NDRG1: variants seen among roughly 807,000 people sequenced by gnomAD.
The protein encoded by NDRG1 is N-myc downstream regulated 1.
A neutral mutation model predicts 56.9 loss-of-function variants in NDRG1; 32 were observed. The observed-to-expected ratio is 0.56, with a 90% confidence interval of 0.42 to 0.76. The LOEUF (loss-of-function observed/expected upper bound fraction) is 0.76. NDRG1 is among the 30% of genes least tolerant of loss of function. The pLI is 0.00. For missense variants in NDRG1, 507 were observed against 545.7 expected (o/e 0.93, Z 0.71); for synonymous variants, 211 against 204.1 (o/e 1.03, Z -0.29).
intron 1 of NDRG1, among the ~76,000 whole-genome samples, chr8:133,285,972 C>T (rs1858091900): frequency 6.6e-6 from 1 of 152,178 alleles, no homozygotes; most frequent in Non-Finnish European, 1.5e-5. Flanking sequence ...GCCAACGCCA[C>T]CCCTCATTCT....
chr8:133,292,187 CTG>C (rs1858466915), intron 1 of NDRG1, among the ~76,000 whole-genome samples: 1 of 152,154 alleles, frequency 6.6e-6, no homozygotes, highest in African/African-American at 2.4e-5. Flanking sequence ...GCTGGATGGT[CTG>C]AGATAATTTG....
At chr8:133,259,904 C>T (rs765982937) in intron 5 of NDRG1, among the ~76,000 whole-genome samples, 3 of 152,144 alleles carry the variant, frequency 2.0e-5, no homozygotes, top group Admixed American at 1.3e-4. Flanking sequence ...GAAGAAGTGA[C>T]GCTGAAGGGG....
At chr8:133,258,326 T>C in intron 7 of NDRG1, 40 bp downstream of exon 7, 8 of 1,577,880 alleles carry the variant, frequency 5.1e-6, no homozygotes, top group Non-Finnish European at 6.9e-6. Flanking sequence ...CTTAAAATGT[T>C]ATTTAAAATG....
At position 133,237,609 on chromosome 8, in the gene NDRG1, A is replaced by C. The variant is rs1855125911; in HGVS notation, c.*1269T>G. ...AAGGTTAGGGAGCAGGAAAAGAGGA[A>C]GCAGGAGAGGGAAGGAAAGTCCCAT... On this transcript the variant is annotated 3_prime_UTR_variant, in exon 16 of 16. Transcript: ENST00000323851. The C allele has an allele frequency of 4.3e-6, 1 of 233,038 alleles. No homozygotes were observed. The allele number at this position is 233,038 out of a possible 1,614,324, so 14.4% of individuals were successfully genotyped here.
At chr8:133,248,884 C>G (rs113249063) in intron 10 of NDRG1, 113 bp from the exon 11 acceptor site, 7 of 1,159,010 alleles carry the variant, frequency 6.0e-6, no homozygotes, top group African/African-American at 4.5e-5. Context: ...GTAAGCTACC[C>G]ACATCCCCAA....
intron 12 of NDRG1, among the ~76,000 whole-genome samples, chr8:133,247,476 A>C (rs562202029): frequency 1.3e-5 from 2 of 152,330 alleles, no homozygotes; most frequent in East Asian, 3.9e-4. Flanking sequence ...GGAGTCAGGA[A>C]GCTTTGCTAA....
chr8:133,243,797 A>G lies in NDRG1; in HGVS notation c.891+558T>C, dbSNP rs114310638. On this transcript the variant is annotated intron_variant, in intron 14 of 15. Coordinates refer to ENST00000323851, the MANE Select transcript of NDRG1 (RefSeq NM_006096.4). ...ATAAAATTATAAGACAACAAATTAAAAGTTTACTTGTTAGGTTGGTGAGAT... is the reference window on the plus strand; with the variant it reads ...ATAAAATTATAAGACAACAAATTAAGAGTTTACTTGTTAGGTTGGTGAGAT... 4.4e-3 allele frequency among the ~76,000 whole-genome samples: 666 copies of G among 152,312 alleles called. 4 individuals are homozygous for G. Among genetic ancestry groups the G allele is most frequent in the African/African-American group, 0.015 (626 of 41,562 alleles).
intron 3 of NDRG1, among the ~76,000 whole-genome samples, chr8:133,277,391 C>T (rs1422295539): frequency 6.6e-6 from 1 of 152,056 alleles, no homozygotes; most frequent in African/African-American, 2.4e-5. Context: ...TGGAAAAACC[C>T]ATCTCTACTA....
chr8:133,262,231 G>A lies in NDRG1; in HGVS notation c.206-64C>T, dbSNP rs572731770. 3.5e-4 allele frequency: 552 copies of A among 1,577,380 alleles called. 6 individuals are homozygous for A. In the South Asian group the frequency reaches 4.3e-3, roughly 12 times the overall value. ...AGATGAGAAAAAAATTAGGTGTCTC[G>A]GTGGCAAAGCACATTCATTTTGTTT... On this transcript the variant is annotated intron_variant, in intron 4 of 15. Transcript: ENST00000323851.
chr8:133,259,239 GAC>G lies in NDRG1; in HGVS notation c.327-11_327-10del. On this transcript the variant is annotated splice_polypyrimidine_tract_variant and intron_variant, in intron 5 of 15. Coordinates refer to ENST00000323851, the MANE Select transcript of NDRG1 (RefSeq NM_006096.4). Reference sequence around the variant, plus strand: ...TGGAGGGGTACATGTACCTGGGGATGACACAGAGAAGCCATTAGTGAGCGCCC... The same window carrying G: ...TGGAGGGGTACATGTACCTGGGGATGACAGAGAAGCCATTAGTGAGCGCCC... The G allele has an allele frequency of 1.2e-6, 2 of 1,614,044 alleles. No homozygotes were observed. Among genetic ancestry groups the G allele is most frequent in the Non-Finnish European group, 1.7e-6 (2 of 1,179,918 alleles).
chr8:133,267,629 A>G (rs1856987436), intron 3 of NDRG1, among the ~76,000 whole-genome samples: 1 of 152,200 alleles, frequency 6.6e-6, no homozygotes, highest in Admixed American at 6.5e-5. Flanking sequence ...TGTGGGAACA[A>G]AGGTCCATTT....
intron 8 of NDRG1, 104 bp downstream of exon 8, chr8:133,256,673 G>A: frequency 9.1e-7 from 1 of 1,092,950 alleles, no homozygotes; most frequent in Non-Finnish European, 1.4e-6. Flanking sequence ...GGAGGAGTGG[G>A]TAAAGAGAGA....
intron 2 of NDRG1, among the ~76,000 whole-genome samples, chr8:133,283,754 G>A (rs1288898685): frequency 6.6e-6 from 1 of 152,222 alleles, no homozygotes; most frequent in African/African-American, 2.4e-5. Flanking sequence ...TGGACACCAA[G>A]CTGCAAAGTG....
chr8:133,244,335 A>T lies in NDRG1; in HGVS notation c.891+20T>A, dbSNP rs1855547396. 1 of 1,614,054 alleles carries T rather than the reference A, an allele frequency of 6.2e-7. No individual in the cohort carries two copies. Among genetic ancestry groups the T allele is most frequent in the African/African-American group, 1.3e-5 (1 of 74,958 alleles). On this transcript the variant is annotated intron_variant, in intron 14 of 15. Transcript: ENST00000323851. ...GGGGAAGCGACAGCTGTATAATGCAAAAGCCAACATGGCACTCACCTGGGA... is the reference window on the plus strand; with the variant it reads ...GGGGAAGCGACAGCTGTATAATGCATAAGCCAACATGGCACTCACCTGGGA...
intron 5 of NDRG1, chr8:133,259,534 G>A (rs1157413417): frequency 1.1e-5 from 5 of 452,634 alleles, no homozygotes; most frequent in East Asian, 4.3e-5. Flanking sequence ...CACTGAGGCT[G>A]AGAGATGAGA....
chr8:133,255,257 G>A (rs761961053), intron 8 of NDRG1: 2 of 456,236 alleles, frequency 4.4e-6, no homozygotes, highest in South Asian at 3.1e-5. Flanking sequence ...GTGGCACTGG[G>A]CAGTCTGCAT....
chr8:133,265,860 C>T (rs528258643), intron 3 of NDRG1, among the ~76,000 whole-genome samples: 7 of 152,356 alleles, frequency 4.6e-5, no homozygotes, highest in African/African-American at 1.2e-4. Flanking sequence ...CCTGGGCTTC[C>T]GCCCTCCTCA....
intron 6 of NDRG1, 61 bp downstream of exon 6, chr8:133,259,107 G>C: frequency 1.9e-6 from 3 of 1,562,424 alleles, no homozygotes; most frequent in Non-Finnish European, 2.6e-6. Flanking sequence ...CCAAGGGGCA[G>C]GAAGATGCTA....
intron 1 of NDRG1, among the ~76,000 whole-genome samples, chr8:133,289,528 G>A (rs2930005): frequency 0.29 from 44,043 of 151,922 alleles, 6,664 homozygotes; most frequent in East Asian, 0.49. Flanking sequence ...CACCAGCACT[G>A]TCTGTCAATG....
Sources: gnomAD v4.1 joint callset for allele counts (sites outside exome capture counted in the v4.1 genomes callset) on GRCh38, gnomAD v4.1.1 for gene constraint, MANE v1.5 for transcripts, NCBI Gene and HGNC (gene_info 2026-07-23, HGNC 2026-07-21) for gene names.